PBX1: variants seen among roughly 807,000 people sequenced by gnomAD.
PBX1 encodes the protein pre-B-cell leukemia transcription factor 1.
Under a neutral mutation model 53.4 loss-of-function variants are expected in PBX1, and 6 were observed. That is an observed-to-expected ratio of 0.11 (90% CI 0.06 to 0.22). The LOEUF (loss-of-function observed/expected upper bound fraction) is 0.22, where lower values mean the gene tolerates loss of function less well. PBX1 is among the 10% of genes least tolerant of loss of function. The pLI, the probability that PBX1 is intolerant of heterozygous loss-of-function variation, is 1.00. For synonymous variants in PBX1, 204 were observed against 212.3 expected (o/e 0.96, Z 0.34); for missense variants, 251 against 551.4 (o/e 0.46, Z 5.46).
chr1:164,631,617 AAGAC>A (rs1204189688), intron 2 of PBX1, among the ~76,000 whole-genome samples: 4 of 152,224 alleles, frequency 2.6e-5, no homozygotes, highest in Admixed American at 6.5e-5. Context: ...TGATAGAAAA[AAGAC>A]AGTCCCTGCC....
chr1:164,675,692 A>G (rs1661392352), intron 2 of PBX1, among the ~76,000 whole-genome samples: 2 of 152,226 alleles, frequency 1.3e-5, no homozygotes, highest in South Asian at 4.2e-4. Context: ...TCATACCATT[A>G]TGAATAAGCT....
At chr1:164,610,889 A>T (rs560229295) in intron 2 of PBX1, among the ~76,000 whole-genome samples, 6 of 152,332 alleles carry the variant, frequency 3.9e-5, no homozygotes, top group Middle Eastern at 3.4e-3. Flanking sequence ...CAGCAGAATG[A>T]ATTCTGTCTC....
intron 2 of PBX1, among the ~76,000 whole-genome samples, chr1:164,716,101 C>T (rs1557962185): frequency 6.6e-6 from 1 of 152,198 alleles, no homozygotes; most frequent in Non-Finnish European, 1.5e-5. Flanking sequence ...AATATAAAGA[C>T]ATTCTGCTTA....
intron 2 of PBX1, among the ~76,000 whole-genome samples, chr1:164,780,945 G>T (rs1667906892): frequency 6.6e-6 from 1 of 152,120 alleles, no homozygotes; most frequent in African/African-American, 2.4e-5. Context: ...TGCGTTCAGG[G>T]GCTACTTGGA....
At chr1:164,607,816 A>G (rs1656661593) in intron 2 of PBX1, among the ~76,000 whole-genome samples, 2 of 152,196 alleles carry the variant, frequency 1.3e-5, no homozygotes, top group Non-Finnish European at 2.9e-5. Flanking sequence ...AGGGAGTAGC[A>G]TCTTAAAAGC....
chr1:164,691,469 T>C (rs1176245848), intron 2 of PBX1, among the ~76,000 whole-genome samples: 1 of 152,164 alleles, frequency 6.6e-6, no homozygotes, highest in Non-Finnish European at 1.5e-5. Flanking sequence ...TTTAACTGTG[T>C]TTTAGAGTGT....
At chr1:164,591,439 T>TA (rs1241075408) in intron 2 of PBX1, among the ~76,000 whole-genome samples, 2 of 152,236 alleles carry the variant, frequency 1.3e-5, no homozygotes, top group Non-Finnish European at 2.9e-5. Context: ...AATGAAAACT[T>TA]ACCTTTTCAC....
At position 164,668,317 on chromosome 1, in the gene PBX1, C is replaced by T. The variant is rs1198552394; in HGVS notation, c.265+105006C>T. Among the ~76,000 whole-genome samples, 4 of 152,116 alleles carry T rather than the reference C, an allele frequency of 2.6e-5. No individual in the cohort carries two copies. The East Asian group carries it at 5.8e-4, about 22-fold the overall frequency. ...ATGCTTAATGTTTCCCCACCAGACC[C>T]GATTGTGTCTTGATTTGGGGCGGTG... On this transcript the variant is annotated intron_variant, in intron 2 of 8. Coordinates refer to ENST00000420696, the MANE Select transcript of PBX1 (RefSeq NM_002585.4).
At chr1:164,761,599 C>T (rs1420479922) in intron 2 of PBX1, among the ~76,000 whole-genome samples, 2 of 152,148 alleles carry the variant, frequency 1.3e-5, no homozygotes, top group Admixed American at 6.5e-5. Context: ...TGCGCGCCAC[C>T]ATGCCCGGCT....
intron 1 of PBX1, chr1:164,560,294 C>T (rs1652941288): frequency 2.5e-6 from 1 of 399,250 alleles, no homozygotes; most frequent in African/African-American, 2.1e-5. Flanking sequence ...ACAGGCATGC[C>T]GAAAATACTG....
At chr1:164,609,235 T>G (rs1218350909) in intron 2 of PBX1, among the ~76,000 whole-genome samples, 1 of 152,128 alleles carries the variant, frequency 6.6e-6, no homozygotes, top group Non-Finnish European at 1.5e-5. Context: ...GCCTTTTTTA[T>G]TTTTTCTTTC....
rs1665823563 is a variant in PBX1, at chr1:164,745,090, T to G, written c.266-47404T>G. Among the ~76,000 whole-genome samples, 3 of 152,248 alleles carry G rather than the reference T, an allele frequency of 2.0e-5. No individual in the cohort carries two copies. The South Asian group carries it at 6.2e-4, about 32-fold the overall frequency. The stretch of plus-strand genomic sequence containing the variant: ...GCAGAACGTTGCTGAAGGCCACATA[T>G]CTAATGAGTGGCAAAGCCGATATTA... On this transcript the variant is annotated intron_variant, in intron 2 of 8. Coordinates refer to ENST00000420696, the MANE Select transcript of PBX1 (RefSeq NM_002585.4).
intron 2 of PBX1, among the ~76,000 whole-genome samples, chr1:164,587,569 A>C (rs1252985018): frequency 6.6e-6 from 1 of 151,932 alleles, no homozygotes; most frequent in Non-Finnish European, 1.5e-5. Flanking sequence ...TAAGGATGTC[A>C]TGCACTCTTA....
chr1:164,570,002 A>G (rs986327612), intron 2 of PBX1, among the ~76,000 whole-genome samples: 2 of 152,192 alleles, frequency 1.3e-5, no homozygotes, highest in Admixed American at 6.5e-5. Context: ...TAAACTACAA[A>G]CTGGACAACA....
chr1:164,704,245 T>C (rs1044483131), intron 2 of PBX1, among the ~76,000 whole-genome samples: 2 of 152,160 alleles, frequency 1.3e-5, no homozygotes, highest in African/African-American at 4.8e-5. Flanking sequence ...GACAGATTAT[T>C]CCCCAGTTGC....
chr1:164,717,090 G>A (rs1351740532), intron 2 of PBX1, among the ~76,000 whole-genome samples: 2 of 152,178 alleles, frequency 1.3e-5, no homozygotes, highest in Non-Finnish European at 2.9e-5. Flanking sequence ...AAAGAGGACA[G>A]CATTTTTATA....
chr1:164,680,307 C>G (rs987756025), intron 2 of PBX1: 2 of 152,112 alleles, frequency 1.3e-5, no homozygotes, highest in Admixed American at 1.3e-4. Flanking sequence ...AGCCCATACT[C>G]CTGTTTTGGG....
At chr1:164,832,498 C>T (rs1670817587) in intron 8 of PBX1, among the ~76,000 whole-genome samples, 1 of 152,104 alleles carries the variant, frequency 6.6e-6, no homozygotes, top group South Asian at 2.1e-4. Context: ...TGTTACTTCG[C>T]TGAGAAATGT....
intron 2 of PBX1, among the ~76,000 whole-genome samples, chr1:164,783,605 G>T (rs764896622): frequency 6.6e-6 from 1 of 152,244 alleles, no homozygotes; most frequent in East Asian, 1.9e-4. Flanking sequence ...AAGCACTACT[G>T]TGTGCTTTTG....
Sources: allele counts gnomAD v4.1 joint callset (sites outside exome capture counted in the v4.1 genomes callset), GRCh38; gene constraint gnomAD v4.1.1; transcripts MANE v1.5; gene names NCBI Gene and HGNC (gene_info 2026-07-23, HGNC 2026-07-21).